The following COL5A2 variants were observed in gnomAD, a reference collection of about 807,000 sequenced individuals.
COL5A2 encodes collagen alpha-2(V) chain.
COL5A2 carries 23 observed loss-of-function variants against 208.2 expected under a neutral mutation model. The ratio of observed to expected loss-of-function variants is 0.11; its 90% CI spans 0.08 to 0.16. The LOEUF (loss-of-function observed/expected upper bound fraction) is 0.16. Ranked by LOEUF, COL5A2 falls within the 10% of genes least tolerant of loss-of-function variation. The pLI, the probability that COL5A2 is intolerant of heterozygous loss-of-function variation, is 1.00. For synonymous variants in COL5A2, 625 were observed against 628.5 expected (o/e 0.99, Z 0.08); for missense variants, 1,590 against 1,956.4 (o/e 0.81, Z 3.53).
At chr2:189,166,330 A>T (rs1688463021) in intron 1 of COL5A2, among the ~76,000 whole-genome samples, 1 of 147,104 alleles carries the variant, frequency 6.8e-6, no homozygotes, top group Non-Finnish European at 1.5e-5. Context: ...GACAGGTTGA[A>T]TTTTTTTTTT....
intron 1 of COL5A2, among the ~76,000 whole-genome samples, chr2:189,148,795 AT>A (rs1485254717): frequency 2.0e-5 from 3 of 152,198 alleles, no homozygotes; most frequent in African/African-American, 7.2e-5. Flanking sequence ...TTCCCAAAAT[AT>A]ATTAGTGGTC....
Position 189,043,034 on chromosome 2 carries a change from G to A in COL5A2, c.3471+117C>T, listed in dbSNP as rs866744252. The A allele has an allele frequency of 1.3e-5, 11 of 847,468 alleles. No homozygotes were observed. The Middle Eastern group carries it at 8.0e-4, about 62-fold the overall frequency. The allele number at this position is 847,468 out of a possible 1,614,324, so 52.5% of individuals were successfully genotyped here. On this transcript the variant is annotated intron_variant, in intron 48 of 53. Coordinates refer to ENST00000374866, the MANE Select transcript of COL5A2 (RefSeq NM_000393.5). ...CTTGTTATTCATCAAGATATTCTTTGAACTGAAAATAAGATACAAACATAT... is the reference window on the plus strand; with the variant it reads ...CTTGTTATTCATCAAGATATTCTTTAAACTGAAAATAAGATACAAACATAT...
intron 1 of COL5A2, among the ~76,000 whole-genome samples, chr2:189,149,918 G>C (rs1337615519): frequency 3.9e-5 from 6 of 152,142 alleles, no homozygotes; most frequent in Admixed American, 3.9e-4. Flanking sequence ...TCTTTGTAAA[G>C]TCTTAGTAGA....
Position 189,053,004 on chromosome 2 carries a change from C to A in COL5A2, c.2568G>T (p.Gln856His). The A allele has an allele frequency of 1.2e-6, 2 of 1,613,960 alleles. No homozygotes were observed. The highest frequency in any genetic ancestry group is 2.7e-5 in the African/African-American group (2 of 75,036). The change falls in exon 39 of 54, where the codon CAG (glutamine) becomes CAT (histidine). Residue 856 changes from glutamine (Q) to histidine (H), a missense_variant. Physicochemically the swap from Gln to His is conservative, Grantham distance 24. Transcript: ENST00000374866. ...GFAGPQGPDG[Q>H]PGVKGEPGEP... ...CTCCAGGTTCACCTTTTACTCCAGG[C>A]TGTCCGTCAGGACCCTATAAAAAAT...
At chr2:189,136,079 T>C (rs1338055694) in intron 1 of COL5A2, among the ~76,000 whole-genome samples, 2 of 152,244 alleles carry the variant, frequency 1.3e-5, no homozygotes, top group Non-Finnish European at 2.9e-5. Flanking sequence ...TGGGACTTAC[T>C]GAGCTAGGCC....
In COL5A2 at chr2:189,057,026, C is replaced by T. The variant is rs147911170; in HGVS notation, c.2338G>A (p.Gly780Ser). ...AGTPGPKGDR[G>S]GIGEKGAEGT... ...TCAGCACCTTTTTCTCCTATGCCAC[C>T]CTGGGAAAACACACAAAATACAATT... Residue 780 changes from glycine (G) to serine (S), a missense_variant and splice_region_variant, in exon 35 of 54, where the codon GGT becomes AGT. By Grantham distance (56) the Gly-to-Ser change is moderately conservative (BLOSUM62 0). Transcript: ENST00000374866. The T allele has an allele frequency of 1.2e-6, 2 of 1,613,708 alleles. No individual in the cohort carries two copies. Among genetic ancestry groups the T allele is most frequent in the Non-Finnish European group, 1.7e-6 (2 of 1,179,684 alleles).
the COL5A2 span, among the ~76,000 whole-genome samples, chr2:189,272,870 C>G: frequency 6.6e-6 from 1 of 152,018 alleles, no homozygotes; most frequent in Non-Finnish European, 1.5e-5. Context: ...ATTTCAGAAA[C>G]GAAGAAAACC....
Position 189,032,930 on chromosome 2 carries a change from C to A in COL5A2, c.*1140G>T, listed in dbSNP as rs1187760484. 2 of 152,580 alleles carry A rather than the reference C, an allele frequency of 1.3e-5. No homozygotes were observed. The highest frequency in any genetic ancestry group is 4.8e-5 in the African/African-American group (2 of 41,456). 9.5% of individuals were successfully genotyped at this position (152,580 alleles called of 1,614,324 possible). A position where few individuals can be genotyped will look rare whatever the true frequency, so the allele number is the denominator to read the frequency against. On this transcript the variant is annotated 3_prime_UTR_variant, in exon 54 of 54. Transcript: ENST00000374866. Reference sequence around the variant, plus strand: ...CTTTTTAGCCCTGCCTATCTCCAGTCTTGGAATAATAACAGAAGCATAGCA... The same window carrying A: ...CTTTTTAGCCCTGCCTATCTCCAGTATTGGAATAATAACAGAAGCATAGCA...
In COL5A2 at chr2:189,064,565, C is replaced by T; in HGVS notation, c.1708G>A (p.Gly570Ser). 6.2e-7 allele frequency: 1 copy of T among 1,613,536 alleles called. No homozygotes were observed. The highest frequency in any genetic ancestry group is 2.2e-5 in the East Asian group (1 of 44,854). Residue 570 changes from glycine to serine, a missense_variant, in exon 25 of 54, where the codon GGT becomes AGT. Physicochemically the swap from Gly to Ser is moderately conservative, Grantham distance 56 (BLOSUM62 0). Coordinates refer to ENST00000374866, the MANE Select transcript of COL5A2 (RefSeq NM_000393.5). ...ACTTGCTATATTCTTACCCGAGCAC[C>T]TGGAAGCCCAGGTTCCCCTGGACGT... ...PGRPGEPGLP[G>S]ARGLTGNPGV...
chr2:189,089,817 C>T (rs1037624250), intron 7 of COL5A2, among the ~76,000 whole-genome samples: 16 of 152,100 alleles, frequency 1.1e-4, no homozygotes, highest in African/African-American at 3.4e-4. Context: ...TTGAATGATG[C>T]CCATACAAGA....
chr2:189,429,529 C>T, the COL5A2 span, among the ~76,000 whole-genome samples: 1 of 152,204 alleles, frequency 6.6e-6, no homozygotes, highest in Non-Finnish European at 1.5e-5. Flanking sequence ...ATTTACTTCT[C>T]ATCTGGCAGG....
the COL5A2 span, among the ~76,000 whole-genome samples, chr2:189,406,659 C>T: frequency 1.3e-5 from 2 of 152,120 alleles, no homozygotes; most frequent in Non-Finnish European, 2.9e-5. Context: ...AGGAAAATTA[C>T]TTGAAAATTG....
the COL5A2 span, among the ~76,000 whole-genome samples, chr2:189,380,586 T>C: frequency 1.3e-5 from 2 of 151,924 alleles, no homozygotes; most frequent in South Asian, 2.1e-4. Flanking sequence ...AATATAGATA[T>C]AGTTATAATT....
the COL5A2 span, among the ~76,000 whole-genome samples, chr2:189,399,698 G>C: frequency 0.14 from 21,592 of 151,854 alleles, 1,963 homozygotes; most frequent in South Asian, 0.21. Flanking sequence ...GTTTGGTTTT[G>C]GTTGGTTGGT....
At chr2:189,425,695 A>C in the COL5A2 span, among the ~76,000 whole-genome samples, 1 of 152,164 alleles carries the variant, frequency 6.6e-6, no homozygotes, top group African/African-American at 2.4e-5. Flanking sequence ...GCCTTGTGGA[A>C]GGTGCTTGAA....
chr2:189,122,598 A>G (rs895108602), intron 1 of COL5A2, among the ~76,000 whole-genome samples: 1 of 152,172 alleles, frequency 6.6e-6, no homozygotes, highest in African/African-American at 2.4e-5. Context: ...CCTGGCAAAT[A>G]CCTGCAACAT....
At position 189,057,290 on chromosome 2, in the gene COL5A2, G is replaced by GAAAAAA. The variant is rs34715449; in HGVS notation, c.2337+24_2337+29dup. ...AGCAGAAAGTCTGAATAAATGAACT[G>GAAAAAA]AAAAAAAAAAAAAAAAAAAAAGGAC... On this transcript the variant is annotated intron_variant, in intron 34 of 53. Coordinates refer to ENST00000374866, the MANE Select transcript of COL5A2 (RefSeq NM_000393.5). 575 of 709,882 alleles carry GAAAAAA rather than the reference G, an allele frequency of 8.1e-4. 4 individuals carry two copies. Among genetic ancestry groups the GAAAAAA allele is most frequent in the South Asian group, 1.7e-3 (93 of 54,102 alleles). The allele number at this position is 709,882 out of a possible 1,614,324, so 44.0% of individuals were successfully genotyped here. A position where few individuals can be genotyped will look rare whatever the true frequency, so the allele number is the denominator to read the frequency against.
At chr2:189,411,326 G>A in the COL5A2 span, among the ~76,000 whole-genome samples, 3 of 151,964 alleles carry the variant, frequency 2.0e-5, no homozygotes, top group Non-Finnish European at 4.4e-5. Flanking sequence ...AAGTTACAAC[G>A]AATGTTCCTT....
chr2:189,074,058 G>A (rs921801984), intron 17 of COL5A2, among the ~76,000 whole-genome samples: 11 of 152,244 alleles, frequency 7.2e-5, no homozygotes, highest in African/African-American at 2.6e-4. Flanking sequence ...TAATATGCTT[G>A]AAATGTGTCA....
Sources: gnomAD v4.1 joint callset for allele counts (sites outside exome capture counted in the v4.1 genomes callset) on GRCh38, gnomAD v4.1.1 for gene constraint, MANE v1.5 for transcripts, NCBI Gene and HGNC (gene_info 2026-07-23, HGNC 2026-07-21) for gene names.